The following TENM2 variants were observed in gnomAD, a reference collection of about 807,000 sequenced individuals.
The protein encoded by TENM2 is teneurin transmembrane protein 2.
Under a neutral mutation model 245.2 loss-of-function variants are expected in TENM2, and 52 were observed. That is an observed-to-expected ratio of 0.21 (90% confidence interval 0.17 to 0.27). TENM2 has a LOEUF of 0.27. Among genes scored for constraint, TENM2 ranks in the 10% least tolerant of loss-of-function variants. The pLI is 1.00. For missense variants in TENM2, 3,046 were observed against 3,666.8 expected, an observed-to-expected ratio of 0.83 and a Z score of 4.37; for synonymous variants, 1,363 against 1,438.9, an observed-to-expected ratio of 0.95 and a Z score of 1.19.
chr5:167,705,077 A>G (rs182722662), intron 2 of TENM2, among the ~76,000 whole-genome samples: 4 of 152,318 alleles, frequency 2.6e-5, no homozygotes, highest in African/African-American at 9.6e-5. Context: ...AGAGAAAGAC[A>G]AACCCCTTGC....
At chr5:167,895,323 A>G (rs1775133138) in intron 3 of TENM2, among the ~76,000 whole-genome samples, 1 of 152,186 alleles carries the variant, frequency 6.6e-6, no homozygotes, top group African/African-American at 2.4e-5. Context: ...ACAATAAAGT[A>G]GGAACCACCA....
the TENM2 span, among the ~76,000 whole-genome samples, chr5:167,216,111 C>G: frequency 6.6e-6 from 1 of 152,156 alleles, no homozygotes; most frequent in African/African-American, 2.4e-5. Context: ...ATAGGACTAA[C>G]AGAGGTTCAG....
chr5:167,103,459 A>G, the TENM2 span, among the ~76,000 whole-genome samples: 2 of 152,212 alleles, frequency 1.3e-5, no homozygotes, highest in African/African-American at 4.8e-5. Flanking sequence ...TCTAGTTTTC[A>G]AATATTGATC....
chr5:167,930,223 C>T (rs1020098695), intron 3 of TENM2, among the ~76,000 whole-genome samples: 3 of 152,146 alleles, frequency 2.0e-5, no homozygotes, highest in Non-Finnish European at 4.4e-5. Flanking sequence ...GTAGTCGTGA[C>T]ATGGCCTGAG....
At chr5:167,617,200 TA>T (rs1777848857) in intron 2 of TENM2, among the ~76,000 whole-genome samples, 1 of 152,146 alleles carries the variant, frequency 6.6e-6, no homozygotes, top group Non-Finnish European at 1.5e-5. Context: ...CTCTGCATTT[TA>T]AAATGACTGT....
the TENM2 span, among the ~76,000 whole-genome samples, chr5:167,211,572 A>T: frequency 6.6e-6 from 1 of 152,160 alleles, no homozygotes; most frequent in South Asian, 2.1e-4. Flanking sequence ...TTTTCCTCTC[A>T]TTCTCACCAG....
chr5:167,296,781 C>A (rs2127728516), intron 1 of TENM2, among the ~76,000 whole-genome samples: 1 of 152,324 alleles, frequency 6.6e-6, no homozygotes, highest in East Asian at 1.9e-4. Flanking sequence ...CCTGCAAAAG[C>A]TCTGCAAAGA....
At chr5:167,485,725 A>G (rs1288833866) in intron 2 of TENM2, among the ~76,000 whole-genome samples, 3 of 152,106 alleles carry the variant, frequency 2.0e-5, no homozygotes, top group Non-Finnish European at 4.4e-5. Context: ...AAATACCCCG[A>G]CAAGTTGCAG....
At chr5:168,072,814 C>A (rs892300180) in intron 7 of TENM2, among the ~76,000 whole-genome samples, 1 of 152,186 alleles carries the variant, frequency 6.6e-6, no homozygotes, top group Non-Finnish European at 1.5e-5. Context: ...AACTGGCCTA[C>A]AACACTTATA....
intron 3 of TENM2, among the ~76,000 whole-genome samples, chr5:167,912,057 T>C (rs1214609071): frequency 6.6e-6 from 1 of 152,220 alleles, no homozygotes; most frequent in African/African-American, 2.4e-5. Flanking sequence ...TATAATACTT[T>C]GTTATTAACT....
At chr5:167,561,121 CAA>C (rs1183905699) in intron 2 of TENM2, among the ~76,000 whole-genome samples, 1 of 152,280 alleles carries the variant, frequency 6.6e-6, no homozygotes, top group East Asian at 1.9e-4. Flanking sequence ...TTCATCCTCT[CAA>C]ATATTAATGT....
chr5:167,419,744 C>A (rs1212707564), intron 2 of TENM2, among the ~76,000 whole-genome samples: 1 of 152,166 alleles, frequency 6.6e-6, no homozygotes, highest in African/African-American at 2.4e-5. Context: ...ATGAGTTATG[C>A]AACTTCTCTT....
At chr5:167,371,540 T>C (rs751064264) in intron 1 of TENM2, among the ~76,000 whole-genome samples, 7 of 151,808 alleles carry the variant, frequency 4.6e-5, no homozygotes, top group Non-Finnish European at 1.0e-4. Context: ...TTTGTATTTT[T>C]AGTAGAGATG....
At chr5:167,885,940 C>T (rs1383583555) in intron 3 of TENM2, among the ~76,000 whole-genome samples, 1 of 152,200 alleles carries the variant, frequency 6.6e-6, no homozygotes, top group Non-Finnish European at 1.5e-5. Context: ...GCCTCGGCCT[C>T]CCAAAGTGCT....
At chr5:167,905,684 A>C (rs1015845254) in intron 3 of TENM2, among the ~76,000 whole-genome samples, 1 of 152,224 alleles carries the variant, frequency 6.6e-6, no homozygotes. Context: ...TCTTTTGGAC[A>C]AAAGTGGAGA....
At chr5:168,081,230 T>G (rs1005398835) in intron 7 of TENM2, among the ~76,000 whole-genome samples, 2 of 152,198 alleles carry the variant, frequency 1.3e-5, no homozygotes, top group African/African-American at 2.4e-5. Context: ...TAAAGTCTGT[T>G]TTATCAGAGA....
intron 1 of TENM2, among the ~76,000 whole-genome samples, chr5:167,325,283 A>T (rs1382182831): frequency 6.6e-6 from 1 of 152,194 alleles, no homozygotes; most frequent in Non-Finnish European, 1.5e-5. Flanking sequence ...AGCCGACAAG[A>T]ATTTATACTC....
intron 2 of TENM2, among the ~76,000 whole-genome samples, chr5:167,491,351 T>C (rs1315676607): frequency 6.6e-6 from 1 of 152,148 alleles, no homozygotes; most frequent in Non-Finnish European, 1.5e-5. Flanking sequence ...TTTTTTCCTA[T>C]GGGGAAGTCA....
intron 2 of TENM2, among the ~76,000 whole-genome samples, chr5:167,519,793 TG>T (rs1770630996): frequency 6.6e-6 from 1 of 152,190 alleles, no homozygotes; most frequent in Non-Finnish European, 1.5e-5. Flanking sequence ...AAATTGTGAT[TG>T]TTTTTTAAAC....
Sources: gnomAD v4.1 joint callset for allele counts (sites outside exome capture counted in the v4.1 genomes callset) on GRCh38, gnomAD v4.1.1 for gene constraint, MANE v1.5 for transcripts, NCBI Gene and HGNC (gene_info 2026-07-23, HGNC 2026-07-21) for gene names.